PDK2: variants seen among roughly 807,000 people sequenced by gnomAD.
PDK2 encodes the protein pyruvate dehydrogenase kinase, isozyme 2.
Under a neutral mutation model 50.4 loss-of-function variants are expected in PDK2, and 34 were observed. That is an observed-to-expected ratio of 0.68 (90% CI 0.51 to 0.90). The LOEUF (loss-of-function observed/expected upper bound fraction) is 0.90, where lower values mean the gene tolerates loss of function less well. Ranked by LOEUF, PDK2 falls within the 40% of genes least tolerant of loss-of-function variation. The pLI is 0.00. For synonymous variants in PDK2, 232 were observed against 216.0 expected (o/e 1.07, Z -0.65); for missense variants, 377 against 544.5 (o/e 0.69, Z 3.06).
chr17:50,106,538 A>C, intron 4 of PDK2: 1 of 556,286 alleles, frequency 1.8e-6, no homozygotes, highest in South Asian at 2.4e-5. Flanking sequence ...TGCAATGTGG[A>C]GATGTGATGT....
In PDK2 at chr17:50,101,630, T is replaced by C. The variant is rs1435262930; in HGVS notation, c.261-3741T>C. Reference sequence around the variant, plus strand: ...GCCACATGCACACAATTACACACACTCCCCCGCTGGCTCAGCACCCCCTCT... The same window carrying C: ...GCCACATGCACACAATTACACACACCCCCCCGCTGGCTCAGCACCCCCTCT... On this transcript the variant is annotated intron_variant, in intron 2 of 10. Coordinates refer to ENST00000503176, the MANE Select transcript of PDK2 (RefSeq NM_002611.5). This position sits in a 1 kb window ranked among gnomAD's most constrained non-coding sequence, Gnocchi z 4.2. Among the ~76,000 whole-genome samples the C allele has an allele frequency of 1.3e-5, 2 of 151,286 alleles. No homozygotes were observed. The highest frequency in any genetic ancestry group is 2.4e-5 in the African/African-American group (1 of 41,068).
At chr17:50,098,631 C>A (rs1019295883) in intron 2 of PDK2, 2 of 152,212 alleles carry the variant, frequency 1.3e-5, no homozygotes, top group South Asian at 2.1e-4. Flanking sequence ...CCCTCCACCC[C>A]CTAACCGAAC....
intron 1 of PDK2, chr17:50,096,428 TG>T (rs1446983162): frequency 4.2e-5 from 18 of 424,750 alleles, no homozygotes; most frequent in African/African-American, 2.6e-4. Context: ...GGACTGGGGG[TG>T]GGGGGCAGTC....
At position 50,101,525 on chromosome 17, in the gene PDK2, T is replaced by G. The variant is rs1282226266; in HGVS notation, c.261-3846T>G. 6.6e-6 allele frequency among the ~76,000 whole-genome samples: 1 copy of G among 152,050 alleles called. No individual in the cohort carries two copies. Among genetic ancestry groups the G allele is most frequent in the Non-Finnish European group, 1.5e-5 (1 of 68,002 alleles). ...AGCACCCTCCTCCCCAGCCTTTGCC[T>G]TGTTTACACCCTGCTCCCCAGCAGC... On this transcript the variant is annotated intron_variant, in intron 2 of 10. Coordinates refer to ENST00000503176, the MANE Select transcript of PDK2 (RefSeq NM_002611.5). The surrounding 1 kb of genome is among the most constrained non-coding windows in gnomAD (Gnocchi z 4.2).
Position 50,108,179 on chromosome 17 carries a change from C to T in PDK2, c.709C>T (p.His237Tyr). The T allele has an allele frequency of 6.3e-7, 1 of 1,596,928 alleles. No homozygotes were observed. Among genetic ancestry groups the T allele is most frequent in the South Asian group, 1.1e-5 (1 of 88,414 alleles). The change falls in exon 7 of 11, where the codon CAC becomes TAC. Residue 237 changes from histidine (H) to tyrosine (Y), a missense_variant. Physicochemically the swap from His to Tyr is moderately conservative, Grantham distance 83. Transcript: ENST00000503176. ...INAANSKQPI[H>Y]MVYVPSHLYH... is the part of the protein sequence containing the mutation. Reference sequence around the variant, plus strand: ...AGCAGCCAACTCCAAACAGCCGATTCACATGGTCTACGTCCCCTCCCACCT... The same window carrying T: ...AGCAGCCAACTCCAAACAGCCGATTTACATGGTCTACGTCCCCTCCCACCT...
chr17:50,096,591 C>A (rs1909964077), intron 1 of PDK2, among the ~76,000 whole-genome samples: 1 of 152,158 alleles, frequency 6.6e-6, no homozygotes, highest in Non-Finnish European at 1.5e-5. Context: ...GAGCCTCCCC[C>A]ATGTAGGAAA....
chr17:50,095,811 G>A, intron 1 of PDK2: 3 of 1,276,024 alleles, frequency 2.4e-6, no homozygotes, highest in Non-Finnish European at 3.0e-6. Context: ...GTCTTGAAGA[G>A]TAAGGGGCAG....
intron 1 of PDK2, chr17:50,096,208 C>T (rs1480945652): frequency 1.0e-6 from 1 of 985,418 alleles, no homozygotes; most frequent in African/African-American, 1.7e-5. Flanking sequence ...CAGCCTCTCC[C>T]CAGCTGGGCA....
chr17:50,107,552 G>A (rs1910580794), intron 6 of PDK2, among the ~76,000 whole-genome samples: 1 of 152,228 alleles, frequency 6.6e-6, no homozygotes, highest in Admixed American at 6.5e-5. Context: ...CTGCACTCCA[G>A]CCTGGGTGAC....
Position 50,109,251 on chromosome 17 carries a change from C to A in PDK2, c.970-36C>A. The A allele has an allele frequency of 7.1e-7, 1 of 1,416,440 alleles. No individual in the cohort carries two copies. The highest frequency in any genetic ancestry group is 9.9e-7 in the Non-Finnish European group (1 of 1,006,710). The allele number at this position is 1,416,440 out of a possible 1,614,324, so 87.7% of individuals were successfully genotyped here. ...TGCAGCTCCAGGAGGCCCCTGCCAG[C>A]CTCCTCATCCTCACTGCCTTCCTGC... On this transcript the variant is annotated intron_variant, in intron 9 of 10. Transcript: ENST00000503176. This position sits in a 1 kb window ranked among gnomAD's most constrained non-coding sequence, Gnocchi z 5.0.
chr17:50,099,780 G>A (rs1018948109), intron 2 of PDK2, among the ~76,000 whole-genome samples: 10 of 152,234 alleles, frequency 6.6e-5, no homozygotes, highest in African/African-American at 1.7e-4. Flanking sequence ...GCGACAGAGC[G>A]AGACTCCGTC....
Position 50,109,406 on chromosome 17 carries a change from G to A in PDK2, c.1083+6G>A, listed in dbSNP as rs1910704900. On this transcript the variant is annotated splice_donor_region_variant and intron_variant, in intron 10 of 10. Coordinates refer to ENST00000503176, the MANE Select transcript of PDK2 (RefSeq NM_002611.5). This position sits in a 1 kb window ranked among gnomAD's most constrained non-coding sequence, Gnocchi z 5.0. ...ATGCTGTCATCTATCTCAAGGTGAG[G>A]GCCCTTCCCGCAGAGCCCAGCTGGA... 6.3e-7 allele frequency: 1 copy of A among 1,581,420 alleles called. No individual in the cohort carries two copies. Among genetic ancestry groups the A allele is most frequent in the East Asian group, 2.3e-5 (1 of 44,288 alleles).
intron 1 of PDK2, chr17:50,095,990 G>T (rs1909918843): frequency 1.9e-6 from 1 of 533,056 alleles, no homozygotes; most frequent in Non-Finnish European, 2.4e-6. Context: ...GCAGCCATCT[G>T]TAGAGAGACC....
At position 50,110,375 on chromosome 17, in the gene PDK2, A is replaced by C; in HGVS notation, c.*278A>C. On this transcript the variant is annotated 3_prime_UTR_variant, in exon 11 of 11. Transcript: ENST00000503176. The stretch of plus-strand genomic sequence containing the variant: ...TGGGGTGTCCCAGAGACATTTTCCC[A>C]TGGCAGTCCTCCTCTCTGAGACCAG... The C allele has an allele frequency of 3.3e-6, 1 of 298,928 alleles. No homozygotes were observed. 18.5% of individuals were successfully genotyped at this position (298,928 alleles called of 1,614,324 possible).
chr17:50,109,562 C>T lies in PDK2; in HGVS notation c.1083+162C>T, dbSNP rs1910713775. 6.6e-6 allele frequency among the ~76,000 whole-genome samples: 1 copy of T among 152,194 alleles called. No individual in the cohort carries two copies. On this transcript the variant is annotated intron_variant, in intron 10 of 10. Transcript: ENST00000503176. This position sits in a 1 kb window ranked among gnomAD's most constrained non-coding sequence, Gnocchi z 5.0. ...CTACAGTTCCTCAACCTGAAGAACCCTCAACCCCCAGACACGCACTGCTTG... is the reference window on the plus strand; with the variant it reads ...CTACAGTTCCTCAACCTGAAGAACCTTCAACCCCCAGACACGCACTGCTTG...
At position 50,106,841 on chromosome 17, in the gene PDK2, G is replaced by A. The variant is rs774929884; in HGVS notation, c.565G>A (p.Gly189Ser). 3 of 1,614,076 alleles carry A rather than the reference G, an allele frequency of 1.9e-6. No individual in the cohort carries two copies. The highest frequency in any genetic ancestry group is 1.7e-5 in the Admixed American group (1 of 60,012). Residue 189 changes from glycine (G) to serine (S), a missense_variant, in exon 5 of 11, where the codon GGC becomes AGC. By Grantham distance (56) the Gly-to-Ser change is moderately conservative. Around this residue, in one of 3 missense-constraint regions of PDK2, gnomAD observed 214 missense variants for 294.0 expected, o/e 0.73. Transcript: ENST00000503176. Reference protein sequence around the residue: ...STNPAHPKHIGSIDPNCNVSE... With the variant: ...STNPAHPKHISSIDPNCNVSE... ...CAACCCAGCCCATCCCAAACACATC[G>A]GCAGCATCGACCCCAACTGCAACGT...
At chr17:50,096,114 G>A (rs560786437) in intron 1 of PDK2, 6 of 986,054 alleles carry the variant, frequency 6.1e-6, no homozygotes, top group African/African-American at 5.2e-5. Context: ...GCCCTGACTG[G>A]TAGACATCCA....
upstream of PDK2, chr17:50,095,135 A>G (rs1347583417): frequency 8.9e-6 from 3 of 336,422 alleles, no homozygotes; most frequent in Admixed American, 4.8e-5. Flanking sequence ...GAGTGAACAC[A>G]GGGGAGGTGG....
At chr17:50,096,143 C>A in intron 1 of PDK2, 1 of 985,642 alleles carries the variant, frequency 1.0e-6, no homozygotes, top group Non-Finnish European at 1.2e-6. Flanking sequence ...AGGAGCTGGA[C>A]CCTAGCTGCC....
Sources: allele counts gnomAD v4.1 joint callset (sites outside exome capture counted in the v4.1 genomes callset), GRCh38; gene constraint gnomAD v4.1.1; regional missense constraint gnomAD v4.1.1; non-coding constraint Gnocchi (gnomAD v3.1); transcripts MANE v1.5; gene names NCBI Gene and HGNC (gene_info 2026-07-23, HGNC 2026-07-21).